MARCHF6: variants seen among roughly 807,000 people sequenced by gnomAD.
MARCHF6 encodes membrane associated ring-CH-type finger 6, also known as E3 ubiquitin-protein ligase MARCHF6.
MARCHF6 carries 31 observed loss-of-function variants against 133.7 expected under a neutral mutation model. That is an observed-to-expected ratio of 0.23 (90% CI 0.17 to 0.31). The LOEUF (loss-of-function observed/expected upper bound fraction) is 0.31, where lower values mean the gene tolerates loss of function less well. MARCHF6 is among the 10% of genes least tolerant of loss of function. The pLI is 1.00. For missense variants in MARCHF6, 723 were observed against 1,121.6 expected, an observed-to-expected ratio of 0.64 and a Z score of 5.08; for synonymous variants, 395 against 402.5, an observed-to-expected ratio of 0.98 and a Z score of 0.22.
intron 19 of MARCHF6, among the ~76,000 whole-genome samples, chr5:10,411,843 G>A (rs1406739518): frequency 2.0e-5 from 3 of 152,172 alleles, no homozygotes; most frequent in Non-Finnish European, 4.4e-5. Flanking sequence ...GCATTTGGAT[G>A]TTTTCTCATT....
intron 1 of MARCHF6, among the ~76,000 whole-genome samples, chr5:10,362,066 A>G (rs1735862749): frequency 2.0e-5 from 3 of 152,082 alleles, no homozygotes; most frequent in African/African-American, 7.2e-5. Flanking sequence ...CCTGGCTGTA[A>G]TACACTTTTT....
intron 15 of MARCHF6, among the ~76,000 whole-genome samples, chr5:10,405,209 A>G (rs1485079137): frequency 6.6e-6 from 1 of 152,172 alleles, no homozygotes; most frequent in Admixed American, 6.5e-5. Context: ...CAGACCGTCT[A>G]TTTAGTACAT....
rs766988440 is a variant in MARCHF6 at position 10,423,724 on chromosome 5, T to C, written c.2284-11T>C. Reference sequence around the variant, plus strand: ...CAACAGAAATATGTTAAATGGTTTTTAATTCCCTAGGACTGGGCACTTGGA... The same window carrying C: ...CAACAGAAATATGTTAAATGGTTTTCAATTCCCTAGGACTGGGCACTTGGA... On this transcript the variant is annotated splice_polypyrimidine_tract_variant and intron_variant, in intron 22 of 25. Transcript: ENST00000274140. 6.3e-7 allele frequency: 1 copy of C among 1,589,178 alleles called. No homozygotes were observed. Among genetic ancestry groups the C allele is most frequent in the Non-Finnish European group, 8.6e-7 (1 of 1,159,956 alleles).
intron 22 of MARCHF6, 174 bp downstream of exon 22, chr5:10,417,578 T>G (rs1739579466): frequency 1.3e-6 from 1 of 743,158 alleles, no homozygotes; most frequent in South Asian, 1.8e-5. Context: ...AGACCTAGTC[T>G]CTATAAAAAA....
At chr5:10,362,082 C>T (rs1425238819) in intron 1 of MARCHF6, among the ~76,000 whole-genome samples, 2 of 151,954 alleles carry the variant, frequency 1.3e-5, no homozygotes, top group Non-Finnish European at 2.9e-5. Flanking sequence ...TTTTTACTTT[C>T]CTGTCTCTCT....
Position 10,435,124 on chromosome 5 carries a change from A to G in MARCHF6, c.*1440A>G, listed in dbSNP as rs187998683. ...TCAGAAACTATAAAAGAATTTTCATATAGTATTAAAATCCATAGACTAAAA... is the reference window on the plus strand; with the variant it reads ...TCAGAAACTATAAAAGAATTTTCATGTAGTATTAAAATCCATAGACTAAAA... On this transcript the variant is annotated 3_prime_UTR_variant, in exon 26 of 26. Transcript: ENST00000274140. The G allele has an allele frequency of 4.6e-5, 7 of 152,800 alleles. No individual in the cohort carries two copies. The East Asian group carries it at 1.3e-3, about 29-fold the overall frequency. 9.5% of individuals were successfully genotyped at this position (152,800 alleles called of 1,614,324 possible). A position where few individuals can be genotyped will look rare whatever the true frequency, so the allele number is the denominator to read the frequency against.
intron 3 of MARCHF6, among the ~76,000 whole-genome samples, chr5:10,380,669 T>C (rs143439357): frequency 2.0e-5 from 3 of 152,318 alleles, no homozygotes; most frequent in Non-Finnish European, 2.9e-5. Flanking sequence ...CTCACCCCTG[T>C]AATTCCAGCA....
intron 14 of MARCHF6, 42 bp downstream of exon 14, chr5:10,402,649 G>A (rs1738615993): frequency 1.4e-6 from 2 of 1,473,418 alleles, no homozygotes; most frequent in East Asian, 2.3e-5. Flanking sequence ...ATAATTTAAG[G>A]GCTTCAAAAG....
At chr5:10,368,116 T>C (rs1393452020) in intron 1 of MARCHF6, among the ~76,000 whole-genome samples, 1 of 152,232 alleles carries the variant, frequency 6.6e-6, no homozygotes, top group Non-Finnish European at 1.5e-5. Flanking sequence ...GACTTCACTC[T>C]TTTTGTAGCC....
intron 5 of MARCHF6, among the ~76,000 whole-genome samples, chr5:10,387,555 G>A (rs1363449395): frequency 1.3e-5 from 2 of 152,076 alleles, no homozygotes; most frequent in South Asian, 2.1e-4. Context: ...CACCCGCTTC[G>A]GGCTCCCAAA....
At chr5:10,394,039 A>G (rs775830413) in intron 7 of MARCHF6, 43 bp from the exon 8 acceptor site, 2 of 1,181,866 alleles carry the variant, frequency 1.7e-6, no homozygotes, top group South Asian at 3.6e-5. Context: ...ATTATTTATT[A>G]TTTTTACTTC....
At chr5:10,424,465 T>C (rs1245648318) in intron 23 of MARCHF6, among the ~76,000 whole-genome samples, 1 of 152,242 alleles carries the variant, frequency 6.6e-6, no homozygotes, top group Non-Finnish European at 1.5e-5. Flanking sequence ...TTTTCCTGCA[T>C]CTATTCTTTC....
intron 19 of MARCHF6, among the ~76,000 whole-genome samples, chr5:10,411,739 G>C (rs2126788867): frequency 6.6e-6 from 1 of 152,300 alleles, no homozygotes; most frequent in East Asian, 1.9e-4. Flanking sequence ...GATTCCCTGG[G>C]CTCTTGCTCC....
chr5:10,406,118 T>C (rs1206957988), intron 16 of MARCHF6, among the ~76,000 whole-genome samples: 2 of 152,202 alleles, frequency 1.3e-5, no homozygotes, highest in Non-Finnish European at 2.9e-5. Context: ...GATTGTGTGC[T>C]CATTATGAGA....
intron 22 of MARCHF6, among the ~76,000 whole-genome samples, chr5:10,419,517 T>C (rs1257407253): frequency 1.3e-5 from 2 of 152,204 alleles, no homozygotes; most frequent in East Asian, 3.9e-4. Flanking sequence ...TCATTGTAAG[T>C]TGAGGAGGAT....
At chr5:10,386,143 G>C (rs1274708058) in intron 4 of MARCHF6, among the ~76,000 whole-genome samples, 1 of 151,784 alleles carries the variant, frequency 6.6e-6, no homozygotes, top group African/African-American at 2.4e-5. Context: ...AAGCATACTT[G>C]TCTGAGTATT....
intron 3 of MARCHF6, among the ~76,000 whole-genome samples, chr5:10,379,487 G>A (rs913183496): frequency 6.7e-6 from 1 of 149,864 alleles, no homozygotes; most frequent in South Asian, 2.1e-4. Flanking sequence ...ACAGAATCTC[G>A]CTCTGTTCTG....
intron 17 of MARCHF6, 31 bp from the exon 18 acceptor site, chr5:10,410,108 C>G (rs1739131829): frequency 4.3e-6 from 7 of 1,609,872 alleles, no homozygotes; most frequent in Non-Finnish European, 5.1e-6. Flanking sequence ...ATGCAAAATA[C>G]AATTCACATT....
chr5:10,361,751 T>C (rs891802567), intron 1 of MARCHF6, among the ~76,000 whole-genome samples: 6 of 152,280 alleles, frequency 3.9e-5, no homozygotes, highest in Non-Finnish European at 7.4e-5. Context: ...TTTTTATAAC[T>C]TAACTTCATT....
Sources: gnomAD v4.1 joint callset for allele counts (sites outside exome capture counted in the v4.1 genomes callset) on GRCh38, gnomAD v4.1.1 for gene constraint, MANE v1.5 for transcripts, NCBI Gene and HGNC (gene_info 2026-07-23, HGNC 2026-07-21) for gene names.